The following LZTR1 variants were observed in gnomAD, a reference collection of about 807,000 sequenced individuals.
LZTR1 encodes leucine zipper like post translational regulator 1.
LZTR1 carries 260 observed loss-of-function variants against 105.7 expected under a neutral mutation model. The ratio of observed to expected loss-of-function variants is 2.46; its 90% confidence interval spans 2.22 to 2.72. The LOEUF is 2.72. LZTR1 is among the 30% of genes most tolerant of loss of function. The probability of loss-of-function intolerance (pLI) is 0.00; values close to 1 mark genes in which losing one functional copy is unlikely to be tolerated. For missense variants in LZTR1, 1,214 were observed against 1,166.9 expected (o/e 1.04, Z -0.59); for synonymous variants, 490 against 476.4 (o/e 1.03, Z -0.37).
At chr22:20,992,578 C>T (rs1044454669) in intron 10 of LZTR1, 5 of 655,558 alleles carry the variant, frequency 7.6e-6, no homozygotes, top group Non-Finnish European at 1.0e-5. Flanking sequence ...GTGCCCTGAC[C>T]ACTCTGAGGG....
rs910283613 is a variant in LZTR1 at position 20,998,838 on chromosome 22, C to G, written c.*1490C>G. 6.6e-6 allele frequency: 1 copy of G among 152,256 alleles called. No individual in the cohort carries two copies. Among genetic ancestry groups the G allele is most frequent in the African/African-American group, 2.4e-5 (1 of 41,450 alleles). The allele number at this position is 152,256 out of a possible 1,614,324, so 9.4% of individuals were successfully genotyped here. A position where few individuals can be genotyped will look rare whatever the true frequency, so the allele number is the denominator to read the frequency against. On this transcript the variant is annotated 3_prime_UTR_variant, in exon 21 of 21. Coordinates refer to ENST00000646124, the MANE Select transcript of LZTR1 (RefSeq NM_006767.4). ...ACTCAGAGTGGGGCCACACACCCAT[C>G]TACCCAGTTTCCACAAGATGTGGCT...
chr22:20,995,606 C>T, intron 16 of LZTR1, 140 bp from the exon 17 acceptor site: 1 of 1,047,136 alleles, frequency 9.5e-7, no homozygotes, highest in African/African-American at 1.6e-5. Flanking sequence ...CTGATGGTAC[C>T]TCAGGGCGAG....
chr22:20,993,237 G>C, intron 11 of LZTR1: 1 of 414,980 alleles, frequency 2.4e-6, no homozygotes, highest in Non-Finnish European at 4.4e-6. Context: ...TGCGTTGACA[G>C]CCCCTTCCCA....
chr22:20,997,490 G>T lies in LZTR1; in HGVS notation c.*142G>T. The T allele has an allele frequency of 3.0e-6, 2 of 657,928 alleles. No homozygotes were observed. The highest frequency in any genetic ancestry group is 5.3e-6 in the Non-Finnish European group (2 of 376,616). The allele number at this position is 657,928 out of a possible 1,614,324, so 40.8% of individuals were successfully genotyped here. ...TCAGGGTGCCCAGAGCCTCCAAAGA[G>T]AGCTGAGGGGATGTGGGGCCCCAAA... On this transcript the variant is annotated 3_prime_UTR_variant, in exon 21 of 21. Coordinates refer to ENST00000646124, the MANE Select transcript of LZTR1 (RefSeq NM_006767.4).
At chr22:20,987,432 G>T in intron 3 of LZTR1, 72 bp from the exon 4 acceptor site, 1 of 834,520 alleles carries the variant, frequency 1.2e-6, no homozygotes, top group Non-Finnish European at 2.1e-6. Flanking sequence ...CAGGGATGCA[G>T]GGCCACCCTG....
chr22:20,989,527 G>A (rs773703553), intron 6 of LZTR1, 98 bp from the exon 7 acceptor site: 146 of 959,270 alleles, frequency 1.5e-4, no homozygotes, highest in Non-Finnish European at 2.3e-4. Flanking sequence ...ACCCTGTGTG[G>A]GGGTGGGGCT....
In LZTR1 at chr22:20,992,785, G is replaced by C. The variant is rs1384105240; in HGVS notation, c.1150-9G>C. ...CCCCACCATTCCACCCTGCCTTCTT[G>C]TCCCCCAGCTGCCCAGTGGGAGGCT... On this transcript the variant is annotated splice_polypyrimidine_tract_variant and intron_variant, in intron 10 of 20. Coordinates refer to ENST00000646124, the MANE Select transcript of LZTR1 (RefSeq NM_006767.4). 5 of 1,557,184 alleles carry C rather than the reference G, an allele frequency of 3.2e-6. No homozygotes were observed. The highest frequency in any genetic ancestry group is 4.4e-6 in the Non-Finnish European group (5 of 1,141,974).
chr22:20,992,508 G>C (rs1924643457), intron 10 of LZTR1, 139 bp downstream of exon 10: 15 of 1,030,668 alleles, frequency 1.5e-5, no homozygotes, highest in Middle Eastern at 2.1e-4. Context: ...CAGGGCCAAG[G>C]GCCCTCACCC....
chr22:20,991,800 G>T lies in LZTR1; in HGVS notation c.964G>T (p.Glu322Ter), dbSNP rs1015399427. Residue 322 changes from glutamate to a stop codon, truncating the protein, a stop_gained, in exon 9 of 21, where the codon GAG becomes TAG. Transcript: ENST00000646124. LOFTEE classifies it high-confidence loss of function. The stretch of plus-strand genomic sequence containing the variant: ...CTATGACGTGGACTTCCAGACCTGG[G>T]AGGTCGTCCAGCCCAGCTCCGACAG... ...HCYDVDFQTWEVVQPSSDSEV... is the reference protein window; with the variant it reads ...HCYDVDFQTW The T allele has an allele frequency of 6.4e-7, 1 of 1,551,510 alleles. No individual in the cohort carries two copies. Among genetic ancestry groups the T allele is most frequent in the Non-Finnish European group, 8.7e-7 (1 of 1,147,332 alleles).
intron 4 of LZTR1, 122 bp from the exon 5 acceptor site, chr22:20,987,888 G>T (rs1924452932): frequency 1.5e-6 from 1 of 688,288 alleles, no homozygotes; most frequent in African/African-American, 1.8e-5. Context: ...TCGTTCCGGG[G>T]CTTGTGGAAG....
rs1164835820 is a variant in LZTR1 at position 20,990,606 on chromosome 22, C to G, written c.791+81C>G. The G allele has an allele frequency of 5.6e-6, 8 of 1,418,496 alleles. No individual in the cohort carries two copies. In the Admixed American group the frequency reaches 5.8e-5, roughly 10 times the overall value. 87.9% of individuals were successfully genotyped at this position (1,418,496 alleles called of 1,614,324 possible). Reference sequence around the variant, plus strand: ...CTGAATATGAAGAACGCCTCTTGCACCTGGTGGCCATGGTAACCATCCTTG... The same window carrying G: ...CTGAATATGAAGAACGCCTCTTGCAGCTGGTGGCCATGGTAACCATCCTTG... On this transcript the variant is annotated intron_variant, in intron 8 of 20. Transcript: ENST00000646124.
At position 20,992,913 on chromosome 22, in the gene LZTR1, C is replaced by T. The variant is rs1403811087; in HGVS notation, c.1260+9C>T. The stretch of plus-strand genomic sequence containing the variant: ...AGATGTACAGGTTCCAGGTGTGGGG[C>T]CTGTGGGCCTGTAGAGCCGGCTGGG... On this transcript the variant is annotated intron_variant, in intron 11 of 20. Transcript: ENST00000646124. 1.0e-5 allele frequency: 16 copies of T among 1,556,804 alleles called. No homozygotes were observed. Among genetic ancestry groups the T allele is most frequent in the African/African-American group, 4.1e-5 (3 of 73,806 alleles).
chr22:20,995,666 G>A, intron 16 of LZTR1, 80 bp from the exon 17 acceptor site: 1 of 1,549,890 alleles, frequency 6.5e-7, no homozygotes, highest in Non-Finnish European at 8.8e-7. Context: ...AACATGGGCA[G>A]ATATGCAGGA....
chr22:20,984,047 C>G (rs1231584716), intron 2 of LZTR1, among the ~76,000 whole-genome samples: 1 of 152,226 alleles, frequency 6.6e-6, no homozygotes, highest in East Asian at 1.9e-4. Context: ...AAGTGCCCCC[C>G]TGCTCAGGCC....
At chr22:20,987,812 C>T (rs1924450564) in intron 4 of LZTR1, among the ~76,000 whole-genome samples, 198 bp from the exon 5 acceptor site, 1 of 152,228 alleles carries the variant, frequency 6.6e-6, no homozygotes, top group African/African-American at 2.4e-5. Flanking sequence ...TGAGCTGTGG[C>T]TGGGAACAGT....
At chr22:20,989,787 G>A (rs45459994) in intron 7 of LZTR1, 105 bp downstream of exon 7, 4 of 1,259,966 alleles carry the variant, frequency 3.2e-6, no homozygotes, top group Non-Finnish European at 4.5e-6. Context: ...GGGTGCAGGT[G>A]GAGGGAGGTG....
At position 20,994,155 on chromosome 22, in the gene LZTR1, G is replaced by T; in HGVS notation, c.1501G>T (p.Ala501Ser). The T allele has an allele frequency of 6.3e-7, 1 of 1,596,478 alleles. No individual in the cohort carries two copies. ...PVPREAPGVA[A>S]GGARPPLLHV... ...TCCCAGGGAGGCCCCCGGCGTGGCTGCTGGTGGGGCCCGGCCGCCCCTGCT... is the reference window on the plus strand; with the variant it reads ...TCCCAGGGAGGCCCCCGGCGTGGCTTCTGGTGGGGCCCGGCCGCCCCTGCT... Residue 501 changes from alanine to serine, a missense_variant, in exon 14 of 21, where the codon GCT becomes TCT. Coordinates refer to ENST00000646124, the MANE Select transcript of LZTR1 (RefSeq NM_006767.4).
chr22:20,988,660 T>G (rs772385068), intron 5 of LZTR1, 129 bp from the exon 6 acceptor site: 67 of 688,518 alleles, frequency 9.7e-5, no homozygotes, highest in Non-Finnish European at 1.5e-4. Flanking sequence ...GTGGAGGTCC[T>G]GAAGCCCCAG....
intron 5 of LZTR1, 23 bp downstream of exon 5, chr22:20,988,141 T>C (rs772951646): frequency 2.7e-6 from 4 of 1,505,694 alleles, no homozygotes; most frequent in East Asian, 2.3e-5. Flanking sequence ...GCAGAAACAT[T>C]TGGGACAGGC....
Sources: gnomAD v4.1 joint callset for allele counts (sites outside exome capture counted in the v4.1 genomes callset) on GRCh38, gnomAD v4.1.1 for gene constraint, MANE v1.5 for transcripts, NCBI Gene and HGNC (gene_info 2026-07-23, HGNC 2026-07-21) for gene names.